Variants in LRRC9 observed in about 807,000 individuals in gnomAD.
LRRC9 encodes leucine-rich repeat-containing protein 9.
A neutral mutation model predicts 63.2 loss-of-function variants in LRRC9; 122 were observed. The observed-to-expected ratio is 1.93, with a 90% confidence interval of 1.67 to 2.24. LRRC9 has a LOEUF of 2.24. LRRC9 is among the 30% of genes most tolerant of loss of function. The pLI is 0.00. For synonymous variants in LRRC9, 366 were observed against 213.1 expected (o/e 1.72, Z -6.25); for missense variants, 1,071 against 627.7 (o/e 1.71, Z -7.55).
intron 17 of LRRC9, among the ~76,000 whole-genome samples, chr14:59,994,752 A>G (rs1471918824): frequency 6.6e-6 from 1 of 152,098 alleles, no homozygotes; most frequent in Non-Finnish European, 1.5e-5. Context: ...TCAGCAAACT[A>G]TCGCAAAGAC....
At chr14:60,018,452 T>C (rs1890869304) in exon 25 of LRRC9, 2 of 700,054 alleles carry the variant, frequency 2.9e-6, no homozygotes, top group Admixed American at 4.0e-5. Flanking sequence ...CCTCATTCAG[T>C]GGATTAATCT....
exon 24 of LRRC9, chr14:60,016,704 A>G (rs758036642): frequency 1.0e-5 from 7 of 701,458 alleles, no homozygotes; most frequent in South Asian, 8.9e-5. Flanking sequence ...TTGGTGGTAG[A>G]CTTACTTCTG....
intron 7 of LRRC9, among the ~76,000 whole-genome samples, chr14:59,939,904 G>A (rs902014848): frequency 2.0e-5 from 3 of 151,860 alleles, no homozygotes; most frequent in East Asian, 3.9e-4. Context: ...CTAGATTGGG[G>A]GTATAAATTA....
chr14:60,007,552 T>G (rs1421685778), intron 22 of LRRC9, among the ~76,000 whole-genome samples: 1 of 152,178 alleles, frequency 6.6e-6, no homozygotes, highest in Non-Finnish European at 1.5e-5. Flanking sequence ...GCAGTGTCTT[T>G]TATTCCTGTT....
intron 29 of LRRC9, among the ~76,000 whole-genome samples, chr14:60,033,175 T>C (rs549415138): frequency 3.4e-4 from 51 of 152,160 alleles, no homozygotes; most frequent in Non-Finnish European, 6.9e-4. Flanking sequence ...ATATTGCTTT[T>C]CATCTAGGAA....
At chr14:60,025,790 A>C (rs1203334860) in intron 27 of LRRC9, among the ~76,000 whole-genome samples, 1 of 152,064 alleles carries the variant, frequency 6.6e-6, no homozygotes, top group Non-Finnish European at 1.5e-5. Flanking sequence ...CCTCCAAAGC[A>C]CATGCAGTTT....
At chr14:59,952,869 T>G (rs1352562142) in intron 8 of LRRC9, among the ~76,000 whole-genome samples, 1 of 152,168 alleles carries the variant, frequency 6.6e-6, no homozygotes, top group Non-Finnish European at 1.5e-5. Flanking sequence ...CCAAGTGTTT[T>G]CATTGTTCAG....
chr14:59,924,874 A>G (rs1047921482), intron 1 of LRRC9, among the ~76,000 whole-genome samples: 12 of 150,430 alleles, frequency 8.0e-5, no homozygotes, highest in Non-Finnish European at 1.5e-4. Flanking sequence ...CATACCAAGT[A>G]TACTCTCACT....
At chr14:60,036,736 T>C (rs1892467897) in intron 29 of LRRC9, among the ~76,000 whole-genome samples, 1 of 152,124 alleles carries the variant, frequency 6.6e-6, no homozygotes, top group South Asian at 2.1e-4. Context: ...CTCTTTTTTT[T>C]TTTGCCTTCT....
chr14:60,061,899 G>A (rs1481952375), intron 31 of LRRC9, 112 bp from the exon 32 acceptor site: 1 of 394,884 alleles, frequency 2.5e-6, no homozygotes, highest in East Asian at 3.6e-5. Flanking sequence ...AACATGTATT[G>A]CATACATTCC....
intron 12 of LRRC9, among the ~76,000 whole-genome samples, chr14:59,968,608 G>A (rs1373600495): frequency 6.6e-6 from 1 of 152,178 alleles, no homozygotes; most frequent in Non-Finnish European, 1.5e-5. Context: ...GGTGGTGAGA[G>A]TGCCCTCATT....
intron 17 of LRRC9, among the ~76,000 whole-genome samples, chr14:59,987,935 T>C (rs1340710432): frequency 6.6e-6 from 1 of 152,222 alleles, no homozygotes; most frequent in Non-Finnish European, 1.5e-5. Context: ...AATGAATTTG[T>C]TCCCTATCAT....
rs1887560210 is a variant in LRRC9, at chr14:59,987,181, A to G, written c.2211+1957A>G. Among the ~76,000 whole-genome samples the G allele has an allele frequency of 2.6e-5, 4 of 152,034 alleles. No individual in the cohort carries two copies. The South Asian group carries it at 6.2e-4, about 24-fold the overall frequency. ...TGCCCCATGCCTTCCTCTCTCCACA[A>G]GAAATCATTATCCTAACCTCTGCAG... On this transcript the variant is annotated intron_variant, in intron 17 of 31. Coordinates refer to ENST00000445360, the Ensembl canonical transcript of LRRC9.
intron 8 of LRRC9, among the ~76,000 whole-genome samples, chr14:59,946,943 T>C (rs1482534403): frequency 2.2e-5 from 3 of 137,236 alleles, no homozygotes; most frequent in African/African-American, 8.3e-5. Flanking sequence ...TCTTTGCTAT[T>C]GTGAATAATG....
At chr14:60,047,792 G>A (rs1251440924) in intron 29 of LRRC9, among the ~76,000 whole-genome samples, 1 of 152,140 alleles carries the variant, frequency 6.6e-6, no homozygotes, top group East Asian at 1.9e-4. Context: ...TGGATCAAGT[G>A]GATCTGATAG....
At chr14:59,928,727 A>G (rs1889423227) in intron 3 of LRRC9, among the ~76,000 whole-genome samples, 1 of 152,132 alleles carries the variant, frequency 6.6e-6, no homozygotes, top group Non-Finnish European at 1.5e-5. Context: ...CAAAACAGAC[A>G]CATAGACCAA....
chr14:60,062,173 A>C (rs1371842298), intron 31 of LRRC9: 1 of 398,678 alleles, frequency 2.5e-6, no homozygotes, highest in East Asian at 3.6e-5. Context: ...AACCAAGATA[A>C]GAGAAGGTAA....
chr14:59,977,525 G>A (rs1303411404), intron 14 of LRRC9, among the ~76,000 whole-genome samples, 178 bp downstream of exon 14: 1 of 150,232 alleles, frequency 6.7e-6, no homozygotes, highest in African/African-American at 2.4e-5. Context: ...TTTATATATG[G>A]GTGTGGGTAG....
In LRRC9 at chr14:59,932,778, C is replaced by T. The variant is rs1889809437; in HGVS notation, c.543+739C>T. On this transcript the variant is annotated intron_variant, in intron 6 of 31. Transcript: ENST00000445360. This position sits in a 1 kb window ranked among gnomAD's most constrained non-coding sequence, Gnocchi z 4.7. ...GCATTAATGAAAAATATCTTCCTAACAATTTTTCCTGTGTTTGTCCTTTCC... is the reference window on the plus strand; with the variant it reads ...GCATTAATGAAAAATATCTTCCTAATAATTTTTCCTGTGTTTGTCCTTTCC... Among the ~76,000 whole-genome samples the T allele has an allele frequency of 6.6e-6, 1 of 152,036 alleles. No homozygotes were observed. Among genetic ancestry groups the T allele is most frequent in the East Asian group, 1.9e-4 (1 of 5,182 alleles).
Sources: gnomAD v4.1 joint callset for allele counts (sites outside exome capture counted in the v4.1 genomes callset) on GRCh38, gnomAD v4.1.1 for gene constraint, Gnocchi (gnomAD v3.1) non-coding constraint, MANE v1.5 for transcripts, NCBI Gene and HGNC (gene_info 2026-07-23, HGNC 2026-07-21) for gene names.